CTDSPL: variants seen among roughly 807,000 people sequenced by gnomAD.
The protein encoded by CTDSPL is CTD small phosphatase-like protein.
Under a neutral mutation model 30.5 loss-of-function variants are expected in CTDSPL, and 8 were observed. The observed-to-expected ratio is 0.26, with a 90% confidence interval of 0.15 to 0.47. The LOEUF is 0.47. Ranked by LOEUF, CTDSPL falls within the 20% of genes least tolerant of loss-of-function variation. The probability of loss-of-function intolerance (pLI) is 0.99; values close to 1 mark genes in which losing one functional copy is unlikely to be tolerated. For synonymous variants in CTDSPL, 110 were observed against 137.9 expected (o/e 0.80, Z 1.42); for missense variants, 248 against 366.1 (o/e 0.68, Z 2.63).
rs1043806023 is a variant in CTDSPL at position 37,862,354 on chromosome 3, C to A, written c.79+76C>A. ...GCCGCTGGAGTTCACTGCCGGGCGCCGGCATGGGCCTGGGGGAGGGGTGCA... is the reference window on the plus strand; with the variant it reads ...GCCGCTGGAGTTCACTGCCGGGCGCAGGCATGGGCCTGGGGGAGGGGTGCA... On this transcript the variant is annotated intron_variant, in intron 1 of 7. Coordinates refer to ENST00000273179, the MANE Select transcript of CTDSPL (RefSeq NM_001008392.2). This position sits in a 1 kb window ranked among gnomAD's most constrained non-coding sequence, Gnocchi z 4.3. 1.6e-6 allele frequency: 2 copies of A among 1,280,824 alleles called. No homozygotes were observed. Among genetic ancestry groups the A allele is most frequent in the South Asian group, 3.3e-5 (2 of 59,930 alleles). The allele number at this position is 1,280,824 out of a possible 1,614,324, so 79.3% of individuals were successfully genotyped here. A position where few individuals can be genotyped will look rare whatever the true frequency, so the allele number is the denominator to read the frequency against.
At chr3:37,940,289 A>G (rs1015357802) in intron 1 of CTDSPL, among the ~76,000 whole-genome samples, 2 of 150,428 alleles carry the variant, frequency 1.3e-5, no homozygotes, top group Admixed American at 6.7e-5. Flanking sequence ...TTGTTGGTCA[A>G]TGCTTCTGTA....
intron 3 of CTDSPL, among the ~76,000 whole-genome samples, chr3:37,959,394 G>A (rs6787874): frequency 0.42 from 63,915 of 152,128 alleles, 18,209 homozygotes; most frequent in African/African-American, 0.81. Flanking sequence ...TTAAAGCAAA[G>A]AGAAAATATC....
rs76238505 is a variant in CTDSPL at position 37,948,557 on chromosome 3, A to G, written c.234+1346A>G. On this transcript the variant is annotated intron_variant, in intron 2 of 7. Coordinates refer to ENST00000273179, the MANE Select transcript of CTDSPL (RefSeq NM_001008392.2). ...AATATGGTTCAGTCTTGTTGATATC[A>G]TAGACCAGGAGTGGCTGTGGGCGGT... 2.9e-3 allele frequency among the ~76,000 whole-genome samples: 437 copies of G among 152,316 alleles called. 2 individuals are homozygous for G. The highest frequency in any genetic ancestry group is 4.8e-3 in the Non-Finnish European group (329 of 68,032).
intron 1 of CTDSPL, among the ~76,000 whole-genome samples, chr3:37,902,243 CAG>C (rs2125601683): frequency 6.6e-6 from 1 of 152,316 alleles, no homozygotes; most frequent in South Asian, 2.1e-4. Context: ...CAGTGGCCAT[CAG>C]TGTCTATGCC....
intron 1 of CTDSPL, among the ~76,000 whole-genome samples, chr3:37,943,734 G>A (rs996052228): frequency 8.0e-5 from 12 of 150,264 alleles, no homozygotes; most frequent in African/African-American, 2.7e-4. Flanking sequence ...GGGGGCAAGC[G>A]AGGAAAGGTG....
At position 37,894,307 on chromosome 3, in the gene CTDSPL, A is replaced by G. The variant is rs997713691; in HGVS notation, c.79+32029A>G. Among the ~76,000 whole-genome samples the G allele has an allele frequency of 4.6e-5, 7 of 151,522 alleles. No individual in the cohort carries two copies. The South Asian group carries it at 6.3e-4, about 14-fold the overall frequency. On this transcript the variant is annotated intron_variant, in intron 1 of 7. Transcript: ENST00000273179. ...ACGAGAGTCTCGCTAGAGTCTCGCT[A>G]TATTGCCCAGGCCGATCTCAAACTC...
At chr3:37,941,864 C>G (rs1698982782) in intron 1 of CTDSPL, among the ~76,000 whole-genome samples, 1 of 150,286 alleles carries the variant, frequency 6.7e-6, no homozygotes, top group Non-Finnish European at 1.5e-5. Context: ...CATGGTCCTC[C>G]TCAATGCTCC....
chr3:37,978,809 C>A (rs1185699760), intron 7 of CTDSPL, among the ~76,000 whole-genome samples: 1 of 152,154 alleles, frequency 6.6e-6, no homozygotes, highest in African/African-American at 2.4e-5. Context: ...TATTTAGAGA[C>A]CACAGTTTAG....
intron 1 of CTDSPL, among the ~76,000 whole-genome samples, chr3:37,925,722 G>C (rs1420845117): frequency 6.6e-6 from 1 of 152,166 alleles, no homozygotes; most frequent in African/African-American, 2.4e-5. Flanking sequence ...TGCTTGTTGG[G>C]GTACATGTGG....
Position 37,960,654 on chromosome 3 carries a change from C to T in CTDSPL, c.267+3511C>T, listed in dbSNP as rs570506037. 6.7e-5 allele frequency among the ~76,000 whole-genome samples: 10 copies of T among 150,344 alleles called. No homozygotes were observed. In the South Asian group the frequency reaches 1.9e-3, roughly 29 times the overall value. ...CTGAGGCAGGAGAATCACGTGAACCCGGGAGGCGGAGGTTGCAGTGAGCCA... is the reference window on the plus strand; with the variant it reads ...CTGAGGCAGGAGAATCACGTGAACCTGGGAGGCGGAGGTTGCAGTGAGCCA... On this transcript the variant is annotated intron_variant, in intron 3 of 7. Coordinates refer to ENST00000273179, the MANE Select transcript of CTDSPL (RefSeq NM_001008392.2).
At position 37,951,367 on chromosome 3, in the gene CTDSPL, C is replaced by CA. The variant is rs1051558624; in HGVS notation, c.234+4165dup. Among the ~76,000 whole-genome samples, 23 of 142,498 alleles carry CA rather than the reference C, an allele frequency of 1.6e-4. No individual in the cohort carries two copies. The East Asian group carries it at 3.4e-3, about 21-fold the overall frequency. The allele number at this position is 142,498 out of a possible 152,430, so 93.5% of individuals were successfully genotyped here. ...TGGGCGAAAGAGCAAGACTCAGTCT[C>CA]AAAAAAAAAGAAAAATGTTAGAAAT... On this transcript the variant is annotated intron_variant, in intron 2 of 7. Coordinates refer to ENST00000273179, the MANE Select transcript of CTDSPL (RefSeq NM_001008392.2).
chr3:37,870,175 C>T (rs768839225), intron 1 of CTDSPL, among the ~76,000 whole-genome samples: 50 of 151,644 alleles, frequency 3.3e-4, no homozygotes, highest in Non-Finnish European at 6.5e-4. Context: ...TGGGCCTGGA[C>T]GTTTTTTCGG....
intron 1 of CTDSPL, among the ~76,000 whole-genome samples, chr3:37,914,720 G>A (rs956138850): frequency 2.0e-5 from 3 of 152,026 alleles, no homozygotes; most frequent in South Asian, 2.1e-4. Flanking sequence ...TCGAGGCTTT[G>A]CTCCTAAGAA....
intron 1 of CTDSPL, among the ~76,000 whole-genome samples, chr3:37,935,145 G>A (rs998245639): frequency 6.6e-6 from 1 of 152,098 alleles, no homozygotes; most frequent in African/African-American, 2.4e-5. Context: ...CTACTCTGTT[G>A]GACATTCATA....
chr3:37,868,431 A>G (rs1257547416), intron 1 of CTDSPL, among the ~76,000 whole-genome samples: 1 of 152,054 alleles, frequency 6.6e-6, no homozygotes, highest in Non-Finnish European at 1.5e-5. Context: ...TGCAATATAT[A>G]AATATTTCCT....
intron 1 of CTDSPL, among the ~76,000 whole-genome samples, chr3:37,941,586 C>T (rs902122193): frequency 1.3e-5 from 2 of 149,794 alleles, no homozygotes; most frequent in Admixed American, 6.7e-5. Context: ...AACAGGGTTT[C>T]GCCATGTTGT....
chr3:37,909,141 G>T (rs1051442685), intron 1 of CTDSPL, among the ~76,000 whole-genome samples: 6 of 152,144 alleles, frequency 3.9e-5, no homozygotes, highest in African/African-American at 1.4e-4. Flanking sequence ...ATTCAAGAAA[G>T]AAATTTCACA....
At chr3:37,953,836 G>GT (rs1699137984) in intron 2 of CTDSPL, among the ~76,000 whole-genome samples, 1 of 152,162 alleles carries the variant, frequency 6.6e-6, no homozygotes, top group African/African-American at 2.4e-5. Context: ...TCAATGGTAG[G>GT]TTCTGGCTAA....
chr3:37,920,800 T>G (rs189054092), intron 1 of CTDSPL, among the ~76,000 whole-genome samples: 1 of 152,198 alleles, frequency 6.6e-6, no homozygotes, highest in African/African-American at 2.4e-5. Context: ...GCATTTCACT[T>G]GCTGTATAGC....
Sources: allele counts gnomAD v4.1 joint callset (sites outside exome capture counted in the v4.1 genomes callset), GRCh38; gene constraint gnomAD v4.1.1; non-coding constraint Gnocchi (gnomAD v3.1); transcripts MANE v1.5; gene names NCBI Gene and HGNC (gene_info 2026-07-23, HGNC 2026-07-21).